The following OBSL1 variants were observed in gnomAD, a reference collection of about 807,000 sequenced individuals.
The protein encoded by OBSL1 is obscurin-like protein 1.
Under a neutral mutation model 172.0 loss-of-function variants are expected in OBSL1, and 160 were observed. That is an observed-to-expected ratio of 0.93 (90% CI 0.82 to 1.06). OBSL1 has a LOEUF of 1.06. Ranked by LOEUF, OBSL1 falls within the 50% of genes least tolerant of loss-of-function variation. OBSL1 has a pLI of 0.00. For missense variants in OBSL1, 2,681 were observed against 2,715.4 expected, an observed-to-expected ratio of 0.99 and a Z score of 0.28; for synonymous variants, 1,200 against 1,196.3, an observed-to-expected ratio of 1.00 and a Z score of -0.06.
In OBSL1 at chr2:219,557,986, A is replaced by G. The variant is rs760107887; in HGVS notation, c.3627T>C (p.Asn1209=). The G allele has an allele frequency of 2.5e-6, 4 of 1,611,324 alleles. No homozygotes were observed. The highest frequency in any genetic ancestry group is 1.7e-5 in the Admixed American group (1 of 59,682). Residue 1209 remains asparagine (N), a synonymous_variant, in exon 11 of 21, where the codon AAT becomes AAC. Transcript: ENST00000404537. Reference sequence around the variant, plus strand: ...CCTCGCCCTCCTGCACGGGCCTCCCATTGTGGCTCCAGACCACGGGGGCGC... The same window carrying G: ...CCTCGCCCTCCTGCACGGGCCTCCCGTTGTGGCTCCAGACCACGGGGGCGC... ...RAGAPVVWSH[N]GRPVQEGEGL... is the part of the protein sequence containing the mutation.
At chr2:219,551,017 G>A (rs1695576042) in intron 20 of OBSL1, 175 bp from the exon 21 acceptor site, 1 of 1,480,398 alleles carries the variant, frequency 6.8e-7, no homozygotes, top group Non-Finnish European at 8.9e-7. Context: ...TCAGCTAGGG[G>A]TGGGGCACAG....
intron 20 of OBSL1, chr2:219,551,190 A>C (rs1396849729): frequency 7.2e-7 from 1 of 1,384,012 alleles, no homozygotes; most frequent in African/African-American, 1.5e-5. Context: ...AGGCTGGAGG[A>C]AGGCAGTGTT....
intron 8 of OBSL1, among the ~76,000 whole-genome samples, chr2:219,560,061 T>C (rs992727250): frequency 1.3e-5 from 2 of 152,210 alleles, no homozygotes; most frequent in African/African-American, 4.8e-5. Context: ...GGATCTACAA[T>C]AGCAAACATT....
intron 5 of OBSL1, 89 bp from the exon 6 acceptor site, chr2:219,565,603 G>T: frequency 7.4e-7 from 1 of 1,357,176 alleles, no homozygotes. Flanking sequence ...TGCTGTTGTT[G>T]GGGTTTTTAA....
rs575209536 is a variant in OBSL1 at position 219,568,920 on chromosome 2, T to A, written c.1013-596A>T. On this transcript the variant is annotated intron_variant, in intron 1 of 20. Transcript: ENST00000404537. The surrounding 1 kb of genome is among the most constrained non-coding windows in gnomAD (Gnocchi z 4.1). ...CGCCACCACGCCTGGCTAATGATTT[T>A]GTATTTTTAGTAGAGATGGGGTTTT... Among the ~76,000 whole-genome samples the A allele has an allele frequency of 9.9e-5, 15 of 151,942 alleles. No homozygotes were observed. The highest frequency in any genetic ancestry group is 3.6e-4 in the African/African-American group (15 of 41,460).
At chr2:219,551,832 G>C in intron 19 of OBSL1, 34 bp from the exon 20 acceptor site, 1 of 1,384,902 alleles carries the variant, frequency 7.2e-7, no homozygotes, top group East Asian at 2.3e-5. Context: ...AAGTTAATAG[G>C]GACACGCATG....
rs763632672 is a variant in OBSL1 at position 219,556,620 on chromosome 2, G to A, written c.4170C>T (p.Val1390=). The change falls in exon 13 of 21, where the codon GTC becomes GTT. Residue 1390 remains valine (V), a synonymous_variant. Transcript: ENST00000404537. ...CGACGGCCCCATTGCGCAGCCAGGT[G>A]ACATCGGCATCTGGTGGGGAGACTT... ...RCEVSPPDAD[V]TWLRNGAVVT... 7 of 1,613,862 alleles carry A rather than the reference G, an allele frequency of 4.3e-6. No individual in the cohort carries two copies. Among genetic ancestry groups the A allele is most frequent in the Middle Eastern group, 1.6e-4 (1 of 6,082 alleles).
Position 219,563,437 on chromosome 2 carries a change from C to A in OBSL1, c.2598G>T (p.Leu866=). 1 of 1,613,508 alleles carries A rather than the reference C, an allele frequency of 6.2e-7. No homozygotes were observed. Among genetic ancestry groups the A allele is most frequent in the Non-Finnish European group, 8.5e-7 (1 of 1,179,620 alleles). Residue 866 remains leucine, a synonymous_variant, in exon 7 of 21, where the codon CTG becomes CTT. Transcript: ENST00000404537. The part of the protein sequence containing the change: ...ENEGPHRRLV[L]PATQPSDGGE... The stretch of plus-strand genomic sequence containing the variant: ...CCCCGTCTGAGGGCTGGGTGGCGGG[C>A]AGCACCAGGCGGCGATGGGGCCCCT...
rs1697037000 is a variant in OBSL1 at position 219,567,943 on chromosome 2, T to C, written c.1309A>G (p.Lys437Glu). The change falls in exon 3 of 21, where the codon AAG becomes GAG. Residue 437 changes from lysine to glutamate, a missense_variant. Transcript: ENST00000404537. ...KGPILKRLPR[K>E]LDVLEGENAV... ...TTCTCTCCTTCCAGGACGTCGAGCT[T>C]CCGGGGCAGGCGCTTCAGGATGGGC... 6.2e-7 allele frequency: 1 copy of C among 1,613,688 alleles called. No individual in the cohort carries two copies. Among genetic ancestry groups the C allele is most frequent in the Non-Finnish European group, 8.5e-7 (1 of 1,179,878 alleles).
Position 219,566,890 on chromosome 2 carries a change from C to T in OBSL1, c.2074G>A (p.Gly692Ser), listed in dbSNP as rs767381211. 10 of 1,606,988 alleles carry T rather than the reference C, an allele frequency of 6.2e-6. No individual in the cohort carries two copies. The highest frequency in any genetic ancestry group is 1.1e-5 in the South Asian group (1 of 90,974). The change falls in exon 5 of 21, where the codon GGT becomes AGT. Residue 692 changes from glycine (G) to serine (S), a missense_variant. Gly to Ser is a moderately conservative substitution (Grantham distance 56). Around this residue, in one of 5 missense-constraint regions of OBSL1, gnomAD observed 1,765 missense variants for 1,748.3 expected, o/e 1.01. Transcript: ENST00000404537. The stretch of plus-strand genomic sequence containing the variant: ...GGGCAGCTGAAGCCGACCAGGGCAC[C>T]GCTGTCCTGGTGCTTGACGGCATGC... ...ILHAVKHQDS[G>S]ALVGFSCPGV...
At position 219,568,709 on chromosome 2, in the gene OBSL1, A is replaced by G. The variant is rs1483912818; in HGVS notation, c.1013-385T>C. Among the ~76,000 whole-genome samples the G allele has an allele frequency of 6.6e-6, 1 of 151,742 alleles. No individual in the cohort carries two copies. Among genetic ancestry groups the G allele is most frequent in the African/African-American group, 2.4e-5 (1 of 41,298 alleles). ...GCTCCCCCCGCCCCAGTCATTTCAC[A>G]TATTCTGCAAGGGTCTGAGTAGAAT... is the stretch of plus-strand genomic sequence containing the variant. On this transcript the variant is annotated intron_variant, in intron 1 of 20. Transcript: ENST00000404537. The surrounding 1 kb of genome is among the most constrained non-coding windows in gnomAD (Gnocchi z 4.1).
At chr2:219,562,375 C>A in intron 8 of OBSL1, 27 bp downstream of exon 8, 1 of 1,606,362 alleles carries the variant, frequency 6.2e-7, no homozygotes, top group Non-Finnish European at 8.5e-7. Context: ...GTCTCTGTGA[C>A]CCCGGGGAGC....
Position 219,552,564 on chromosome 2 carries a change from G to C in OBSL1, c.5280C>G (p.Pro1760=), listed in dbSNP as rs373081802. ...CCTGTCGGATGCGGACGCGGGCTCC[G>C]GGTCTCAGCGGGCGGCCTCCGAGCT... The part of the protein sequence containing the change: ...RWELGGRPLR[P]GARVRIRQEG... The change falls in exon 18 of 21, where the codon CCC becomes CCG. Residue 1760 remains proline (P), a synonymous_variant. Coordinates refer to ENST00000404537, the MANE Select transcript of OBSL1 (RefSeq NM_015311.3). 1 of 1,595,674 alleles carries C rather than the reference G, an allele frequency of 6.3e-7. No individual in the cohort carries two copies. Among genetic ancestry groups the C allele is most frequent in the South Asian group, 1.1e-5 (1 of 89,986 alleles).
At chr2:219,569,819 A>T (rs1033892916) in intron 1 of OBSL1, among the ~76,000 whole-genome samples, 1 of 152,216 alleles carries the variant, frequency 6.6e-6, no homozygotes, top group Non-Finnish European at 1.5e-5. Flanking sequence ...AGACTCAGCA[A>T]TTTACGCCCA....
At chr2:219,562,738 G>A (rs1014218526) in intron 7 of OBSL1, 64 bp from the exon 8 acceptor site, 13 of 1,479,418 alleles carry the variant, frequency 8.8e-6, no homozygotes, top group African/African-American at 2.8e-5. Context: ...CCCTGACCCC[G>A]TTGTGTTCCC....
Position 219,557,462 on chromosome 2 carries a change from T to C in OBSL1, c.3947A>G (p.Gln1316Arg), listed in dbSNP as rs1055049485. The change falls in exon 12 of 21, where the codon CAG (glutamine) becomes CGG (arginine). Residue 1316 changes from glutamine (Q) to arginine (R), a missense_variant. This residue lies in a region of OBSL1 where 1,765 missense variants were observed against 1,748.3 expected (regional missense o/e 1.01). Coordinates refer to ENST00000404537, the MANE Select transcript of OBSL1 (RefSeq NM_015311.3). ...CTGCCTGGCCCCGGCCTGCTCCAGC[T>C]GCACCCGCCCCTGGCTTGCCAGTCG... ...GERLASQGRV[Q>R]LEQAGARQVL... 2.6e-6 allele frequency: 4 copies of C among 1,548,516 alleles called. No individual in the cohort carries two copies. The African/African-American group carries it at 4.1e-5, about 16-fold the overall frequency.
chr2:219,555,903 G>A, intron 14 of OBSL1, 117 bp downstream of exon 14: 1 of 1,499,454 alleles, frequency 6.7e-7, no homozygotes. Flanking sequence ...GGACGGCCAT[G>A]GGTGACTTTT....
Position 219,559,308 on chromosome 2 carries a change from A to C in OBSL1, c.3143T>G (p.Leu1048Arg). 1 of 1,613,976 alleles carries C rather than the reference A, an allele frequency of 6.2e-7. No individual in the cohort carries two copies. Among genetic ancestry groups the C allele is most frequent in the Non-Finnish European group, 8.5e-7 (1 of 1,179,868 alleles). ...ERDGPRCRLV[L>R]PAAQPEDGGE... ...CCCGTCCTCGGGCTGAGCAGCAGGT[A>C]GCACCAGGCGGCAGCGTGGCCCATC... Residue 1048 changes from leucine to arginine, a missense_variant, in exon 9 of 21, where the codon CTA (leucine) becomes CGA (arginine). Physicochemically the swap from Leu to Arg is moderately radical, Grantham distance 102. Coordinates refer to ENST00000404537, the MANE Select transcript of OBSL1 (RefSeq NM_015311.3).
downstream of OBSL1, chr2:219,549,399 G>A: frequency 1.3e-6 from 2 of 1,583,744 alleles, no homozygotes; most frequent in Non-Finnish European, 1.7e-6. Flanking sequence ...AGGAAGTGTG[G>A]AAACTCTTTC....
Sources: allele counts gnomAD v4.1 joint callset (sites outside exome capture counted in the v4.1 genomes callset), GRCh38; gene constraint gnomAD v4.1.1; regional missense constraint gnomAD v4.1.1; non-coding constraint Gnocchi (gnomAD v3.1); transcripts MANE v1.5; gene names NCBI Gene and HGNC (gene_info 2026-07-23, HGNC 2026-07-21).